TMPRSS4: variants seen among roughly 807,000 people sequenced by gnomAD.
TMPRSS4 encodes the protein transmembrane serine protease 4, also known as transmembrane protease serine 4.
TMPRSS4 carries 45 observed loss-of-function variants against 56.4 expected under a neutral mutation model. The ratio of observed to expected loss-of-function variants is 0.80; its 90% CI spans 0.63 to 1.02. TMPRSS4 has a LOEUF of 1.02. Ranked by LOEUF, TMPRSS4 falls within the 50% of genes least tolerant of loss-of-function variation. The pLI is 0.00. For missense variants in TMPRSS4, 546 were observed against 556.7 expected, an observed-to-expected ratio of 0.98 and a Z score of 0.19; for synonymous variants, 205 against 211.0, an observed-to-expected ratio of 0.97 and a Z score of 0.25.
Position 118,077,158 on chromosome 11 carries a change from C to A in TMPRSS4, c.-145C>A. 5.4e-6 allele frequency: 5 copies of A among 923,132 alleles called. No individual in the cohort carries two copies. The South Asian group carries it at 8.7e-5, about 16-fold the overall frequency. The allele number at this position is 923,132 out of a possible 1,614,324, so 57.2% of individuals were successfully genotyped here. A position where few individuals can be genotyped will look rare whatever the true frequency, so the allele number is the denominator to read the frequency against. ...GCGTGAGGGACCAAGGCCTGCCCTG[C>A]ACTCGGGCCTCCTCCAGCCAGTGCT... On this transcript the variant is annotated 5_prime_UTR_variant, in exon 1 of 13. The change creates a premature stop within an existing upstream ORF in the 5' untranslated region. Transcript: ENST00000437212.
rs933850330 is a variant in TMPRSS4, at chr11:118,117,600, A to G, written c.1302+146A>G. On this transcript the variant is annotated intron_variant, in intron 12 of 12. Transcript: ENST00000437212. ...CCCTCCAAGCAAGGGACAGCCTGAG[A>G]TTGCACTATTAAGGCTGAAATTCCT... 4.1e-6 allele frequency: 6 copies of G among 1,476,600 alleles called. No homozygotes were observed. The African/African-American group carries it at 7.0e-5, about 17-fold the overall frequency. 91.5% of individuals were successfully genotyped at this position (1,476,600 alleles called of 1,614,324 possible).
chr11:118,095,026 A>T, intron 2 of TMPRSS4, 171 bp downstream of exon 2: 1 of 719,570 alleles, frequency 1.4e-6, no homozygotes, highest in Non-Finnish European at 2.4e-6. Context: ...TCCAGGATTC[A>T]TTCCAGAAGT....
At chr11:118,085,247 A>G (rs571333482) in intron 1 of TMPRSS4, among the ~76,000 whole-genome samples, 10 of 139,582 alleles carry the variant, frequency 7.2e-5, no homozygotes, top group South Asian at 2.5e-4. Flanking sequence ...TTTTTGAGAC[A>G]GAGTCTAACA....
At chr11:118,080,561 C>T (rs1224517163) in intron 1 of TMPRSS4, among the ~76,000 whole-genome samples, 1 of 152,176 alleles carries the variant, frequency 6.6e-6, no homozygotes, top group Admixed American at 6.5e-5. Flanking sequence ...CCAGGCCTCT[C>T]TCCTCCTCTC....
In TMPRSS4 at chr11:118,119,431, A is replaced by G; in HGVS notation, c.*1518A>G. 1 of 900,472 alleles carries G rather than the reference A, an allele frequency of 1.1e-6. No homozygotes were observed. The highest frequency in any genetic ancestry group is 1.3e-6 in the Non-Finnish European group (1 of 752,654). 55.8% of individuals were successfully genotyped at this position (900,472 alleles called of 1,614,324 possible). A position where few individuals can be genotyped will look rare whatever the true frequency, so the allele number is the denominator to read the frequency against. The stretch of plus-strand genomic sequence containing the variant: ...TCCTCCAAATATGAGCTCACAATCA[A>G]AGATCAGAGACGTTGAAAAATAAAA... On this transcript the variant is annotated 3_prime_UTR_variant, in exon 13 of 13. Transcript: ENST00000437212.
At chr11:118,088,427 G>A (rs1182804583) in intron 1 of TMPRSS4, 1 of 152,246 alleles carries the variant, frequency 6.6e-6, no homozygotes, top group African/African-American at 2.4e-5. Flanking sequence ...AGCAGGAAAA[G>A]AAGATTCTCT....
At chr11:118,111,114 G>A (rs895077880) in intron 7 of TMPRSS4, among the ~76,000 whole-genome samples, 6 of 152,310 alleles carry the variant, frequency 3.9e-5, no homozygotes, top group African/African-American at 1.4e-4. Context: ...TCTACCATCT[G>A]TGCATGGCTC....
At chr11:118,113,638 T>C (rs905738343) in intron 9 of TMPRSS4, among the ~76,000 whole-genome samples, 7 of 152,190 alleles carry the variant, frequency 4.6e-5, no homozygotes, top group Non-Finnish European at 8.8e-5. Flanking sequence ...CTCCATTCCC[T>C]GCCAGAGATT....
chr11:118,083,459 C>T (rs1349468326), intron 1 of TMPRSS4, among the ~76,000 whole-genome samples: 2 of 152,124 alleles, frequency 1.3e-5, no homozygotes, highest in African/African-American at 2.4e-5. Flanking sequence ...AGCCAAGCCC[C>T]GGGGCCCATG....
At chr11:118,122,198 A>G (rs1947810893), downstream of TMPRSS4, among the ~76,000 whole-genome samples, 1 of 152,240 alleles carries the variant, frequency 6.6e-6, no homozygotes, top group African/African-American at 2.4e-5. Context: ...AATAATCGCA[A>G]TAAATATTAA....
At chr11:118,123,787 G>C (rs2135487092), downstream of TMPRSS4, among the ~76,000 whole-genome samples, 1 of 152,180 alleles carries the variant, frequency 6.6e-6, no homozygotes, top group Middle Eastern at 3.4e-3. Context: ...GCCTCCCAAA[G>C]TGCTGGGATT....
At chr11:118,102,332 C>T (rs881123) in intron 3 of TMPRSS4, among the ~76,000 whole-genome samples, 41,594 of 152,088 alleles carry the variant, frequency 0.27, 6,606 homozygotes, top group Non-Finnish European at 0.35. Flanking sequence ...AACAGCCCTG[C>T]GAGGCAGATA....
intron 1 of TMPRSS4, among the ~76,000 whole-genome samples, chr11:118,078,536 G>A (rs1055344594): frequency 6.6e-6 from 1 of 152,224 alleles, no homozygotes; most frequent in Non-Finnish European, 1.5e-5. Context: ...CAGGATCAAA[G>A]CACAAGCTTC....
chr11:118,090,256 A>G (rs560342781), intron 1 of TMPRSS4, among the ~76,000 whole-genome samples: 1 of 152,318 alleles, frequency 6.6e-6, no homozygotes, highest in African/African-American at 2.4e-5. Flanking sequence ...TGAGTCCTCA[A>G]ACTGAGATAT....
chr11:118,079,386 G>A (rs1344402126), intron 1 of TMPRSS4, among the ~76,000 whole-genome samples: 1 of 151,992 alleles, frequency 6.6e-6, no homozygotes, highest in Admixed American at 6.6e-5. Context: ...GCGTCTTAAT[G>A]ACAGCTCTCC....
rs1565434490 is a variant in TMPRSS4 at position 118,107,864 on chromosome 11, G to A, written c.531G>A (p.Arg177=). Residue 177 remains arginine, a synonymous_variant, in exon 6 of 13, where the codon CGG becomes CGA. Coordinates refer to ENST00000437212, the MANE Select transcript of TMPRSS4 (RefSeq NM_019894.4). ...ITENSQELRM[R]NSSGPCLSGS... The stretch of plus-strand genomic sequence containing the variant: ...AAAACAGCCAGGAGCTTCGCATGCG[G>A]AACTCAAGTGGGTAAGTGAGGGGAC... The A allele has an allele frequency of 6.2e-7, 1 of 1,613,938 alleles. No individual in the cohort carries two copies. The highest frequency in any genetic ancestry group is 8.5e-7 in the Non-Finnish European group (1 of 1,179,948).
chr11:118,077,196 C>T lies in TMPRSS4; in HGVS notation c.-107C>T, dbSNP rs1316497996. ...TCCAGCCAGTGCTGACCAGGGACTT[C>T]TGACCTGCTGGCCAGCCAGGACCTG... On this transcript the variant is annotated 5_prime_UTR_variant, in exon 1 of 13. Transcript: ENST00000437212. The T allele has an allele frequency of 1.4e-6, 2 of 1,472,722 alleles. No homozygotes were observed. Among genetic ancestry groups the T allele is most frequent in the South Asian group, 1.2e-5 (1 of 80,748 alleles). The allele number at this position is 1,472,722 out of a possible 1,614,324, so 91.2% of individuals were successfully genotyped here.
At position 118,108,061 on chromosome 11, in the gene TMPRSS4, G is replaced by A. The variant is rs371361980; in HGVS notation, c.542+186G>A. On this transcript the variant is annotated intron_variant, in intron 6 of 12. Coordinates refer to ENST00000437212, the MANE Select transcript of TMPRSS4 (RefSeq NM_019894.4). ...GACTCACATTTTGGAGAGGTTTTCTGTGTTGACTTGTTTTTAATACAATGG... is the reference window on the plus strand; with the variant it reads ...GACTCACATTTTGGAGAGGTTTTCTATGTTGACTTGTTTTTAATACAATGG... 9.9e-5 allele frequency: 57 copies of A among 572,892 alleles called. No individual in the cohort carries two copies. The African/African-American group carries it at 1.0e-3, about 10-fold the overall frequency. The allele number at this position is 572,892 out of a possible 1,614,324, so 35.5% of individuals were successfully genotyped here.
In TMPRSS4 at chr11:118,107,827, T is replaced by C. The variant is rs762572275; in HGVS notation, c.494T>C (p.Val165Ala). ...EIGPDQDLDV[V>A]EITENSQELR... ...GGCCCAGACCAGGATCTGGATGTTGTTGAAATCACAGAAAACAGCCAGGAG... is the reference window on the plus strand; with the variant it reads ...GGCCCAGACCAGGATCTGGATGTTGCTGAAATCACAGAAAACAGCCAGGAG... The change falls in exon 6 of 13, where the codon GTT becomes GCT. Residue 165 changes from valine to alanine, a missense_variant. Physicochemically the swap from Val to Ala is moderately conservative, Grantham distance 64 (BLOSUM62 0). Coordinates refer to ENST00000437212, the MANE Select transcript of TMPRSS4 (RefSeq NM_019894.4). 7.4e-6 allele frequency: 12 copies of C among 1,614,052 alleles called. No individual in the cohort carries two copies. Among genetic ancestry groups the C allele is most frequent in the Non-Finnish European group, 1.0e-5 (12 of 1,180,030 alleles).
Sources: gnomAD v4.1 joint callset for allele counts (sites outside exome capture counted in the v4.1 genomes callset) on GRCh38, gnomAD v4.1.1 for gene constraint, MANE v1.5 for transcripts, NCBI Gene and HGNC (gene_info 2026-07-23, HGNC 2026-07-21) for gene names.